The following ZNF30 variants were observed in gnomAD, a reference collection of about 807,000 sequenced individuals.
The protein encoded by ZNF30 is zinc finger protein 30 (KOX 28).
ZNF30 carries 15 observed loss-of-function variants against 13.2 expected under a neutral mutation model. That is an observed-to-expected ratio of 1.13 (90% CI 0.76 to 1.75). The LOEUF (loss-of-function observed/expected upper bound fraction) is 1.75. Among genes scored for constraint, ZNF30 ranks in the 40% most tolerant of loss-of-function variants. ZNF30 has a pLI of 0.00. For synonymous variants in ZNF30, 223 were observed against 256.6 expected (o/e 0.87, Z 1.25); for missense variants, 726 against 757.0 (o/e 0.96, Z 0.48).
intron 4 of ZNF30, among the ~76,000 whole-genome samples, chr19:34,937,588 G>T (rs2151670636): frequency 6.6e-6 from 1 of 152,038 alleles, no homozygotes. Context: ...TTAAAAATTA[G>T]CCAGGCATAG....
At chr19:34,942,491 C>A in intron 4 of ZNF30, 5 of 389,118 alleles carry the variant, frequency 1.3e-5, no homozygotes, top group East Asian at 1.2e-4. Context: ...AGTAGGAAAC[C>A]AAAGAATGAA....
At chr19:34,928,970 A>G (rs2545998) in intron 1 of ZNF30, among the ~76,000 whole-genome samples, 64,519 of 151,920 alleles carry the variant, frequency 0.42, 15,160 homozygotes, top group African/African-American at 0.64. Context: ...CCCTGTGGAT[A>G]AGAGGGAGCT....
chr19:34,942,527 T>C, intron 4 of ZNF30: 2 of 721,118 alleles, frequency 2.8e-6, no homozygotes, highest in Non-Finnish European at 3.9e-6. Context: ...GACATGGACG[T>C]CCTTAGACAA....
intron 4 of ZNF30, 141 bp from the exon 5 acceptor site, chr19:34,943,077 CTTTTT>C: frequency 2.1e-6 from 1 of 478,156 alleles, no homozygotes; most frequent in Non-Finnish European, 3.4e-6. Context: ...CTCTGCATTC[CTTTTT>C]TTTTTTTTGA....
rs756930580 is a variant in ZNF30 at position 34,943,578 on chromosome 19, C to G, written c.612C>G (p.Leu204=). The stretch of plus-strand genomic sequence containing the variant: ...GAATTCACACTGGTGAGAAGCCACT[C>G]AAATGTAAGCAATGTGGAAAGACTA... ...HGRIHTGEKP[L]KCKQCGKTIS... The change falls in exon 5 of 5, where the codon CTC becomes CTG. Residue 204 remains leucine (L), a synonymous_variant. Transcript: ENST00000601142. 2 of 1,613,300 alleles carry G rather than the reference C, an allele frequency of 1.2e-6. No individual in the cohort carries two copies. The highest frequency in any genetic ancestry group is 8.5e-7 in the Non-Finnish European group (1 of 1,179,708).
Position 34,943,967 on chromosome 19 carries a change from A to G in ZNF30, c.1001A>G (p.His334Arg). 6.2e-7 allele frequency: 1 copy of G among 1,614,208 alleles called. No homozygotes were observed. The highest frequency in any genetic ancestry group is 1.3e-5 in the African/African-American group (1 of 75,040). ...SFTVYGQLTRHQSIHTGEKPF... is the reference protein window; with the variant it reads ...SFTVYGQLTRRQSIHTGEKPF... ...ACTGTGTATGGACAGCTTACTCGACATCAGAGTATTCATACTGGTGAGAAA... is the reference window on the plus strand; with the variant it reads ...ACTGTGTATGGACAGCTTACTCGACGTCAGAGTATTCATACTGGTGAGAAA... Residue 334 changes from histidine (H) to arginine (R), a missense_variant, in exon 5 of 5, where the codon CAT becomes CGT. Transcript: ENST00000601142.
rs2012578416 is a variant in ZNF30, at chr19:34,933,660, T to A, written c.193T>A (p.Leu65Ile). The A allele has an allele frequency of 6.2e-7, 1 of 1,601,754 alleles. No homozygotes were observed. The highest frequency in any genetic ancestry group is 1.3e-5 in the African/African-American group (1 of 74,734). ...CCGTTCTAAACCACATGTGATCGCCTTATTGGAACAATGGAAAGAGCCTGA... is the reference window on the plus strand; with the variant it reads ...CCGTTCTAAACCACATGTGATCGCCATATTGGAACAATGGAAAGAGCCTGA... ...HSRSKPHVIA[L>I]LEQWKEPEVT... Residue 65 changes from leucine to isoleucine, a missense_variant, in exon 4 of 5, where the codon TTA becomes ATA. Transcript: ENST00000601142.
rs369399040 is a variant in ZNF30, at chr19:34,943,668, C to T, written c.702C>T (p.Cys234=). The change falls in exon 5 of 5, where the codon TGC becomes TGT. Residue 234 remains cysteine (C), a synonymous_variant. Coordinates refer to ENST00000601142, the MANE Select transcript of ZNF30 (RefSeq NM_194325.3). The part of the protein sequence containing the change: ...SIHTGKKPYE[C]GECGKAFLVY... ...ATACTGGGAAGAAACCATATGAGTG[C>T]GGGGAATGTGGGAAAGCTTTTCTAG... 87 of 1,613,394 alleles carry T rather than the reference C, an allele frequency of 5.4e-5. 1 individual carries two copies. In the Middle Eastern group the frequency reaches 8.2e-4, roughly 15 times the overall value.
chr19:34,926,147 C>T (rs906612756), upstream of ZNF30, among the ~76,000 whole-genome samples: 4 of 152,338 alleles, frequency 2.6e-5, no homozygotes, highest in Middle Eastern at 6.8e-3. Context: ...GCATTCCAGT[C>T]TGAGCGACAG....
intron 3 of ZNF30, among the ~76,000 whole-genome samples, chr19:34,932,657 A>G (rs544326073): frequency 2.8e-4 from 42 of 152,310 alleles, no homozygotes; most frequent in Non-Finnish European, 4.7e-4. Context: ...AGAATGCTAA[A>G]TAAAGCACAG....
At chr19:34,939,056 T>C (rs2012888001) in intron 4 of ZNF30, among the ~76,000 whole-genome samples, 1 of 151,452 alleles carries the variant, frequency 6.6e-6, no homozygotes, top group Non-Finnish European at 1.5e-5. Context: ...GCTCAGAGTA[T>C]GGAGCTGCCA....
At chr19:34,936,801 C>T (rs1358480186) in intron 4 of ZNF30, among the ~76,000 whole-genome samples, 5 of 151,924 alleles carry the variant, frequency 3.3e-5, no homozygotes, top group African/African-American at 4.8e-5. Flanking sequence ...GAGACTGAGG[C>T]AGGAGGATGG....
chr19:34,927,375 A>T (rs1378839650), intron 1 of ZNF30, 159 bp downstream of exon 1: 1 of 198,496 alleles, frequency 5.0e-6, no homozygotes, highest in Non-Finnish European at 1.0e-5. Context: ...TATTTTGGAT[A>T]AAATCACTGT....
chr19:34,934,346 C>G (rs2012612719), intron 4 of ZNF30, among the ~76,000 whole-genome samples: 1 of 152,096 alleles, frequency 6.6e-6, no homozygotes, highest in African/African-American at 2.4e-5. Context: ...TCACTGCAGC[C>G]TCGAACTCCT....
chr19:34,927,265 A>G, intron 1 of ZNF30, 49 bp downstream of exon 1: 1 of 365,078 alleles, frequency 2.7e-6, no homozygotes, highest in Non-Finnish European at 4.9e-6. Flanking sequence ...CGAGTGCGGG[A>G]GCGGCAGGGC....
At position 34,944,542 on chromosome 19, in the gene ZNF30, T is replaced by C. The variant is rs760905284; in HGVS notation, c.1576T>C (p.Tyr526His). ...ECGKAFSSGSYLVQHQRIHTG... is the reference protein window; with the variant it reads ...ECGKAFSSGSHLVQHQRIHTG... ...TGGCAAGGCCTTCAGTTCTGGCTCA[T>C]ACCTTGTTCAGCATCAAAGAATTCA... The change falls in exon 5 of 5, where the codon TAC becomes CAC. Residue 526 changes from tyrosine to histidine, a missense_variant. Transcript: ENST00000601142. The C allele has an allele frequency of 1.2e-6, 2 of 1,614,152 alleles. No individual in the cohort carries two copies. Among genetic ancestry groups the C allele is most frequent in the Non-Finnish European group, 1.7e-6 (2 of 1,180,012 alleles).
In ZNF30 at chr19:34,943,562, C is replaced by T; in HGVS notation, c.596C>T (p.Thr199Ile). ...SAFVKHGRIH[T>I]GEKPLKCKQC... is the part of the protein sequence containing the mutation. ...TTTGTTAAGCATGGGAGAATTCACACTGGTGAGAAGCCACTCAAATGTAAG... is the reference window on the plus strand; with the variant it reads ...TTTGTTAAGCATGGGAGAATTCACATTGGTGAGAAGCCACTCAAATGTAAG... Residue 199 changes from threonine (T) to isoleucine (I), a missense_variant, in exon 5 of 5, where the codon ACT (threonine) becomes ATT (isoleucine). Coordinates refer to ENST00000601142, the MANE Select transcript of ZNF30 (RefSeq NM_194325.3). 1.2e-6 allele frequency: 2 copies of T among 1,613,670 alleles called. No individual in the cohort carries two copies. Among genetic ancestry groups the T allele is most frequent in the African/African-American group, 1.3e-5 (1 of 75,022 alleles).
chr19:34,944,253 A>G lies in ZNF30; in HGVS notation c.1287A>G (p.Glu429=), dbSNP rs780206222. 331 of 1,613,126 alleles carry G rather than the reference A, an allele frequency of 2.1e-4. No individual in the cohort carries two copies. Among genetic ancestry groups the G allele is most frequent in the Non-Finnish European group, 2.7e-4 (319 of 1,179,848 alleles). Residue 429 remains glutamate (E), a synonymous_variant, in exon 5 of 5, where the codon GAA becomes GAG. Transcript: ENST00000601142. ...QRIHTGEKPY[E]CKECGKAFIS... ...TCCATACTGGGGAGAAACCCTATGA[A>G]TGTAAGGAATGTGGCAAAGCCTTTA... is the stretch of plus-strand genomic sequence containing the variant.
At chr19:34,938,677 C>G (rs1357533740) in intron 4 of ZNF30, among the ~76,000 whole-genome samples, 1 of 143,140 alleles carries the variant, frequency 7.0e-6, no homozygotes, top group East Asian at 2.0e-4. Flanking sequence ...AAACCCATTT[C>G]ACCTGCAGTG....
Sources: allele counts gnomAD v4.1 joint callset (sites outside exome capture counted in the v4.1 genomes callset), GRCh38; gene constraint gnomAD v4.1.1; transcripts MANE v1.5; gene names NCBI Gene and HGNC (gene_info 2026-07-23, HGNC 2026-07-21).